The following HEG1 variants were observed in gnomAD, a reference collection of about 807,000 sequenced individuals.
The protein encoded by HEG1 is protein HEG homolog 1.
Under a neutral mutation model 125.6 loss-of-function variants are expected in HEG1, and 56 were observed. The observed-to-expected ratio is 0.45, with a 90% CI of 0.36 to 0.56. HEG1 has a LOEUF of 0.56. HEG1 is among the 20% of genes least tolerant of loss of function. The pLI is 0.00. For synonymous variants in HEG1, 644 were observed against 668.5 expected, an observed-to-expected ratio of 0.96 and a Z score of 0.57; for missense variants, 1,523 against 1,670.0, an observed-to-expected ratio of 0.91 and a Z score of 1.53.
chr3:125,055,761 G>A lies in HEG1; in HGVS notation c.130C>T (p.Leu44=), dbSNP rs1937924793. 2 of 1,005,306 alleles carry A rather than the reference G, an allele frequency of 2.0e-6. No individual in the cohort carries two copies. The highest frequency in any genetic ancestry group is 2.4e-6 in the Non-Finnish European group (2 of 844,670). 62.3% of individuals were successfully genotyped at this position (1,005,306 alleles called of 1,614,324 possible). A position where few individuals can be genotyped will look rare whatever the true frequency, so the allele number is the denominator to read the frequency against. ...AGCCCCGCTCCCGCGAGGGGCGCCA[G>A]GCTCAGCGCGCGGCGAGCCGGGGAA... ...PPSPARRALS[L]APLAGAGLEL... is the part of the protein sequence containing the mutation. The change falls in exon 1 of 17, where the codon CTG becomes TTG. Residue 44 remains leucine, a synonymous_variant. Transcript: ENST00000311127.
Position 125,027,200 on chromosome 3 carries a change from C to T in HEG1, c.913+5G>A. 1 of 1,581,732 alleles carries T rather than the reference C, an allele frequency of 6.3e-7. No individual in the cohort carries two copies. Among genetic ancestry groups the T allele is most frequent in the Non-Finnish European group, 8.6e-7 (1 of 1,164,510 alleles). ...CGAGTGTTAAGCTGGGTATGTGGCA[C>T]TCACATGAGGAAAGGTCTAAGAGAG... On this transcript the variant is annotated splice_donor_5th_base_variant and intron_variant, in intron 3 of 16. Coordinates refer to ENST00000311127, the MANE Select transcript of HEG1 (RefSeq NM_020733.2).
chr3:124,973,452 A>G (rs1435352575), intron 16 of HEG1, among the ~76,000 whole-genome samples: 3 of 152,216 alleles, frequency 2.0e-5, no homozygotes, highest in Non-Finnish European at 4.4e-5. Context: ...TTCAGTTTCC[A>G]TTCCTATAAC....
At position 124,990,795 on chromosome 3, in the gene HEG1, C is replaced by A; in HGVS notation, c.3725G>T (p.Cys1242Phe). The A allele has an allele frequency of 6.4e-7, 1 of 1,562,526 alleles. No individual in the cohort carries two copies. Among genetic ancestry groups the A allele is most frequent in the South Asian group, 1.2e-5 (1 of 84,718 alleles). ...SCPFGLGGLNCGNPYQLITVV... is the reference protein window; with the variant it reads ...SCPFGLGGLNFGNPYQLITVV... ...CACTTTTGTACACTTACGGTTTCCA[C>A]AGTTGAGACCACCAAGGCCAAATGG... The change falls in exon 14 of 17, where the codon TGT becomes TTT. Residue 1242 changes from cysteine (C) to phenylalanine (F), a missense_variant. Coordinates refer to ENST00000311127, the MANE Select transcript of HEG1 (RefSeq NM_020733.2).
chr3:125,027,008 G>A (rs1937424433), intron 3 of HEG1, among the ~76,000 whole-genome samples, 197 bp downstream of exon 3: 1 of 152,090 alleles, frequency 6.6e-6, no homozygotes, highest in African/African-American at 2.4e-5. Context: ...TGTTAAACAT[G>A]AGGCTCAATA....
intron 2 of HEG1, among the ~76,000 whole-genome samples, chr3:125,027,974 C>T (rs1937442437): frequency 6.6e-6 from 1 of 152,192 alleles, no homozygotes; most frequent in Non-Finnish European, 1.5e-5. Context: ...AGAATCGAGT[C>T]CCTCCCAACC....
At chr3:125,014,200 A>AC (rs1027263611) in intron 5 of HEG1, among the ~76,000 whole-genome samples, 2 of 152,068 alleles carry the variant, frequency 1.3e-5, no homozygotes, top group African/African-American at 4.8e-5. Flanking sequence ...GAGCAGACTG[A>AC]CCTCCTGAGA....
At chr3:125,017,434 AAAG>A (rs1182230647) in intron 5 of HEG1, among the ~76,000 whole-genome samples, 4 of 152,248 alleles carry the variant, frequency 2.6e-5, no homozygotes, top group Non-Finnish European at 5.9e-5. Flanking sequence ...AGACATATTC[AAAG>A]AAGATATACA....
intron 5 of HEG1, chr3:125,014,568 G>A (rs1937215006): frequency 3.5e-6 from 2 of 566,742 alleles, no homozygotes; most frequent in Non-Finnish European, 5.0e-6. Context: ...CCTTCCTGAG[G>A]TGGGAGAATC....
chr3:125,041,811 C>T (rs1483070674), intron 1 of HEG1, among the ~76,000 whole-genome samples: 1 of 152,104 alleles, frequency 6.6e-6, no homozygotes, highest in African/African-American at 2.4e-5. Flanking sequence ...ATGGGTAAAC[C>T]CTAAAAACAT....
Position 125,014,783 on chromosome 3 carries a change from A to C in HEG1, c.1589-793T>G, listed in dbSNP as rs768336483. ...TGTCGTCCGTCACGTTTACGTGCAG[A>C]GAGGCACCCTCTGTTTCTTGGTGCA... is the stretch of plus-strand genomic sequence containing the variant. On this transcript the variant is annotated intron_variant, in intron 5 of 16. Transcript: ENST00000311127. 13 of 1,289,690 alleles carry C rather than the reference A, an allele frequency of 1.0e-5. No homozygotes were observed. In the East Asian group the frequency reaches 6.7e-4, roughly 66 times the overall value. The allele number at this position is 1,289,690 out of a possible 1,614,324, so 79.9% of individuals were successfully genotyped here. A position where few individuals can be genotyped will look rare whatever the true frequency, so the allele number is the denominator to read the frequency against.
At chr3:125,034,231 C>G (rs1189586787) in intron 1 of HEG1, among the ~76,000 whole-genome samples, 1 of 43,040 alleles carries the variant, frequency 2.3e-5, no homozygotes, top group African/African-American at 6.8e-5. Context: ...AAGACATCCA[C>G]ACCTCTTTGT....
intron 1 of HEG1, among the ~76,000 whole-genome samples, chr3:125,049,385 T>A (rs557237345): frequency 6.6e-6 from 1 of 152,138 alleles, no homozygotes; most frequent in Admixed American, 6.5e-5. Context: ...CGGGCTGGCA[T>A]CCCTTCCTCC....
At chr3:125,017,059 CTTTT>C (rs34444034) in intron 5 of HEG1, among the ~76,000 whole-genome samples, 1 of 146,042 alleles carries the variant, frequency 6.8e-6, no homozygotes, top group Non-Finnish European at 1.5e-5. Context: ...ATGCAAAGAA[CTTTT>C]TTTTTTTTTT....
chr3:125,008,571 C>G (rs1292782768), intron 8 of HEG1, among the ~76,000 whole-genome samples: 1 of 152,198 alleles, frequency 6.6e-6, no homozygotes, highest in East Asian at 1.9e-4. Context: ...GAGGCCAAGG[C>G]AGGCAGATCA....
At position 125,055,615 on chromosome 3, in the gene HEG1, C is replaced by G; in HGVS notation, c.276G>C (p.Gln92His). The G allele has an allele frequency of 8.3e-7, 1 of 1,205,526 alleles. No homozygotes were observed. The highest frequency in any genetic ancestry group is 1.0e-6 in the Non-Finnish European group (1 of 970,788). The allele number at this position is 1,205,526 out of a possible 1,614,324, so 74.7% of individuals were successfully genotyped here. ...YRAPEPGAAT[Q>H]RGPSGRAPRG... Reference sequence around the variant, plus strand: ...TGGGGGCCCGGCCGGAGGGTCCCCGCTGTGTCGCGGCGCCTGGCTCAGGGG... The same window carrying G: ...TGGGGGCCCGGCCGGAGGGTCCCCGGTGTGTCGCGGCGCCTGGCTCAGGGG... The change falls in exon 1 of 17, where the codon CAG (glutamine) becomes CAC (histidine). Residue 92 changes from glutamine to histidine, a missense_variant. By Grantham distance (24) the Gln-to-His change is conservative. Transcript: ENST00000311127.
intron 1 of HEG1, among the ~76,000 whole-genome samples, chr3:125,036,324 T>G (rs1937547341): frequency 6.9e-6 from 1 of 144,702 alleles, no homozygotes. Flanking sequence ...AAAACCAAAA[T>G]TAAAAAAAAA....
chr3:125,022,919 T>G (rs1395876143), intron 3 of HEG1, among the ~76,000 whole-genome samples: 3 of 152,104 alleles, frequency 2.0e-5, no homozygotes, highest in African/African-American at 7.2e-5. Flanking sequence ...GTCGGCCGGG[T>G]GCAGTGGCTC....
At chr3:125,006,718 A>C (rs920204287) in intron 8 of HEG1, among the ~76,000 whole-genome samples, 3 of 152,208 alleles carry the variant, frequency 2.0e-5, no homozygotes, top group African/African-American at 7.2e-5. Context: ...TGTTCCTCTG[A>C]TGTTTATGAA....
chr3:125,046,570 C>A (rs527344150), intron 1 of HEG1, among the ~76,000 whole-genome samples: 2 of 152,198 alleles, frequency 1.3e-5, no homozygotes, highest in African/African-American at 4.8e-5. Context: ...TGTGCCCGAC[C>A]CAACTGGCTA....
Sources: allele counts gnomAD v4.1 joint callset (sites outside exome capture counted in the v4.1 genomes callset), GRCh38; gene constraint gnomAD v4.1.1; transcripts MANE v1.5; gene names NCBI Gene and HGNC (gene_info 2026-07-23, HGNC 2026-07-21).